Variants in ANAPC1 observed in about 807,000 individuals in gnomAD.
ANAPC1 encodes the protein anaphase-promoting complex subunit 1.
Under a neutral mutation model 208.0 loss-of-function variants are expected in ANAPC1, and 36 were observed. The observed-to-expected ratio is 0.17, with a 90% CI of 0.13 to 0.23. The LOEUF is 0.23. ANAPC1 is among the 10% of genes least tolerant of loss of function. ANAPC1 has a pLI of 1.00. For missense variants in ANAPC1, 942 were observed against 2,011.6 expected, an observed-to-expected ratio of 0.47 and a Z score of 10.17; for synonymous variants, 378 against 695.2, an observed-to-expected ratio of 0.54 and a Z score of 7.18.
At chr2:111,838,556 T>A in intron 17 of ANAPC1, 44 bp from the exon 18 acceptor site, 3 of 1,519,580 alleles carry the variant, frequency 2.0e-6, no homozygotes, top group Middle Eastern at 2.4e-4. Context: ...CGTAAATGCA[T>A]TCCTGTCAAC....
chr2:111,882,814 C>A (rs990972098), intron 1 of ANAPC1, among the ~76,000 whole-genome samples: 2 of 151,702 alleles, frequency 1.3e-5, no homozygotes, highest in African/African-American at 4.8e-5. Flanking sequence ...CTTCCTCCTG[C>A]TAGAAATAAA....
intron 35 of ANAPC1, 107 bp downstream of exon 35, chr2:111,794,711 G>T (rs1051449802): frequency 2.0e-5 from 27 of 1,350,580 alleles, no homozygotes; most frequent in Non-Finnish European, 2.7e-5. Flanking sequence ...AAATATGTGG[G>T]ATTCATAATT....
chr2:111,848,842 G>C (rs1328442750), intron 14 of ANAPC1, among the ~76,000 whole-genome samples: 1 of 151,674 alleles, frequency 6.6e-6, no homozygotes, highest in Non-Finnish European at 1.5e-5. Context: ...AGGAAGAAAG[G>C]ACAGTAATGA....
At chr2:111,845,868 G>A (rs903923335) in intron 16 of ANAPC1, among the ~76,000 whole-genome samples, 10 of 151,580 alleles carry the variant, frequency 6.6e-5, no homozygotes, top group Non-Finnish European at 8.8e-5. Context: ...CCAGCTACTC[G>A]GGAGGCTGAG....
intron 13 of ANAPC1, among the ~76,000 whole-genome samples, chr2:111,854,933 C>T (rs1681617250): frequency 6.6e-6 from 1 of 152,154 alleles, no homozygotes; most frequent in African/African-American, 2.4e-5. Context: ...CCTCTGCATG[C>T]ACAAGTTGGC....
At chr2:111,808,785 T>C (rs1227985485) in intron 29 of ANAPC1, among the ~76,000 whole-genome samples, 162 bp downstream of exon 29, 1 of 151,958 alleles carries the variant, frequency 6.6e-6, no homozygotes, top group African/African-American at 2.4e-5. Flanking sequence ...TAACATTACT[T>C]AGAGTTTTGT....
At chr2:111,875,207 G>C (rs1462865393) in intron 3 of ANAPC1, among the ~76,000 whole-genome samples, 1 of 152,164 alleles carries the variant, frequency 6.6e-6, no homozygotes, top group Non-Finnish European at 1.5e-5. Flanking sequence ...TACTGACCAT[G>C]TGTGCATCTT....
intron 34 of ANAPC1, among the ~76,000 whole-genome samples, chr2:111,797,978 C>T (rs545482540): frequency 3.9e-5 from 5 of 126,856 alleles, no homozygotes; most frequent in Non-Finnish European, 8.2e-5. Flanking sequence ...GGTCTATCTG[C>T]GCCAAGAAAG....
Position 111,792,573 on chromosome 2 carries a change from G to A in ANAPC1, c.4519-18C>T, listed in dbSNP as rs769664910. 1 of 1,607,608 alleles carries A rather than the reference G, an allele frequency of 6.2e-7. No homozygotes were observed. Among genetic ancestry groups the A allele is most frequent in the South Asian group, 1.1e-5 (1 of 89,970 alleles). ...GGACCTGTCTGTCAGGTGAAGAGAT[G>A]ACATCACTGTAACTGTTGTGTTACA... On this transcript the variant is annotated intron_variant, in intron 37 of 47. Coordinates refer to ENST00000341068, the MANE Select transcript of ANAPC1 (RefSeq NM_022662.4).
At chr2:111,869,529 GGC>G (rs1682624920) in intron 6 of ANAPC1, among the ~76,000 whole-genome samples, 1 of 152,158 alleles carries the variant, frequency 6.6e-6, no homozygotes, top group South Asian at 2.1e-4. Context: ...TACAGACGTG[GGC>G]CACCGCGCCC....
intron 8 of ANAPC1, 68 bp downstream of exon 8, chr2:111,864,738 C>T: frequency 1.2e-6 from 2 of 1,601,762 alleles, no homozygotes; most frequent in Non-Finnish European, 1.7e-6. Flanking sequence ...GCTAGGATTA[C>T]AGGTGTGAGC....
At chr2:111,845,899 C>T (rs1290793718) in intron 16 of ANAPC1, among the ~76,000 whole-genome samples, 1 of 142,070 alleles carries the variant, frequency 7.0e-6, no homozygotes, top group East Asian at 2.1e-4. Context: ...GGCATGAACC[C>T]GGGAGGCGGA....
At chr2:111,875,127 T>G (rs1573518921) in intron 3 of ANAPC1, among the ~76,000 whole-genome samples, 2 of 152,200 alleles carry the variant, frequency 1.3e-5, no homozygotes, top group South Asian at 4.1e-4. Context: ...CCTAGTAAAG[T>G]GGTATCTCAT....
At chr2:111,847,899 T>C (rs749114772) in intron 14 of ANAPC1, 34 bp from the exon 15 acceptor site, 16 of 1,510,716 alleles carry the variant, frequency 1.1e-5, no homozygotes, top group African/African-American at 8.5e-5. Context: ...ACAAATGAAT[T>C]GTTTTCTGAG....
At chr2:111,849,563 A>C (rs62165430) in intron 14 of ANAPC1, among the ~76,000 whole-genome samples, 88,387 of 152,016 alleles carry the variant, frequency 0.58, 26,636 homozygotes, top group South Asian at 0.69. Context: ...ACTTTTCTCC[A>C]GGCTTCCTAA....
At chr2:111,821,939 G>A (rs1271220568) in intron 25 of ANAPC1, among the ~76,000 whole-genome samples, 1 of 151,434 alleles carries the variant, frequency 6.6e-6, no homozygotes, top group Non-Finnish European at 1.5e-5. Flanking sequence ...TTTTCCCTGG[G>A]GCTGCAGTTT....
chr2:111,881,275 T>G (rs1683284851), intron 1 of ANAPC1, among the ~76,000 whole-genome samples: 1 of 152,166 alleles, frequency 6.6e-6, no homozygotes, highest in Admixed American at 6.6e-5. Flanking sequence ...AAGGGATCAT[T>G]GTCATATTGG....
chr2:111,767,290 G>C (rs1229155358), downstream of ANAPC1, among the ~76,000 whole-genome samples: 1 of 151,626 alleles, frequency 6.6e-6, no homozygotes, highest in Non-Finnish European at 1.5e-5. Context: ...TGCTATTTTG[G>C]GGCCAAAACA....
intron 29 of ANAPC1, among the ~76,000 whole-genome samples, chr2:111,808,744 G>A (rs1678822834): frequency 6.6e-6 from 1 of 151,064 alleles, no homozygotes; most frequent in Non-Finnish European, 1.5e-5. Context: ...AAACATGGAG[G>A]TTAATAACCT....
Sources: allele counts gnomAD v4.1 joint callset (sites outside exome capture counted in the v4.1 genomes callset), GRCh38; gene constraint gnomAD v4.1.1; transcripts MANE v1.5; gene names NCBI Gene and HGNC (gene_info 2026-07-23, HGNC 2026-07-21).